Variants in TRIM37 observed in about 807,000 individuals in gnomAD.
The protein encoded by TRIM37 is E3 ubiquitin-protein ligase TRIM37.
A neutral mutation model predicts 129.8 loss-of-function variants in TRIM37; 80 were observed. The observed-to-expected ratio is 0.62, with a 90% CI of 0.51 to 0.74. The LOEUF (loss-of-function observed/expected upper bound fraction) is 0.74. Among genes scored for constraint, TRIM37 ranks in the 30% least tolerant of loss-of-function variants. The probability of loss-of-function intolerance (pLI) is 0.00; values close to 1 mark genes in which losing one functional copy is unlikely to be tolerated. For missense variants in TRIM37, 1,054 were observed against 1,176.5 expected, an observed-to-expected ratio of 0.90 and a Z score of 1.52; for synonymous variants, 389 against 387.1, an observed-to-expected ratio of 1.00 and a Z score of -0.06.
intron 17 of TRIM37, among the ~76,000 whole-genome samples, chr17:59,039,175 CGT>C (rs908722705): frequency 2.0e-5 from 3 of 152,118 alleles, no homozygotes; most frequent in Non-Finnish European, 4.4e-5. Flanking sequence ...ACTATGCATG[CGT>C]GTGTTTCCCT....
intron 19 of TRIM37, among the ~76,000 whole-genome samples, chr17:59,023,083 A>G (rs982525655): frequency 1.3e-5 from 2 of 151,868 alleles, no homozygotes; most frequent in Admixed American, 1.3e-4. Context: ...TTATTTATTT[A>G]TTTATTTATT....
chr17:58,983,262 T>G, intron 24 of TRIM37: 1 of 203,366 alleles, frequency 4.9e-6, no homozygotes, highest in Non-Finnish European at 9.9e-6. Context: ...TAAACCAATA[T>G]TGTGAAAAAT....
chr17:59,087,077 T>C (rs1223865062), intron 4 of TRIM37, among the ~76,000 whole-genome samples: 2 of 152,070 alleles, frequency 1.3e-5, no homozygotes, highest in Non-Finnish European at 2.9e-5. Flanking sequence ...CAGTTAAACT[T>C]GAATAGCAGG....
chr17:59,097,256 T>C (rs2044984042), intron 2 of TRIM37, among the ~76,000 whole-genome samples: 1 of 152,114 alleles, frequency 6.6e-6, no homozygotes, highest in South Asian at 2.1e-4. Context: ...ACCATTTCTA[T>C]TTGACATAAT....
downstream of TRIM37, chr17:58,980,156 GCC>G: frequency 6.2e-7 from 1 of 1,614,144 alleles, no homozygotes; most frequent in Non-Finnish European, 8.5e-7. The surrounding 1 kb of genome is among the most constrained non-coding windows in gnomAD (Gnocchi z 4.7). Context: ...CAGCATGGTT[GCC>G]CACAAATTAG....
At position 59,088,373 on chromosome 17, in the gene TRIM37, G is replaced by A. The variant is rs781030263; in HGVS notation, c.199C>T (p.Arg67Cys). ...TGTTGTGTTACTTCTTCTGCCCAAC[G>A]ACAATTTACTAGTTCTCGTAGCTGG... ...PLQLRELVNC[R>C]WAEEVTQQLD... Residue 67 changes from arginine (R) to cysteine (C), a missense_variant, in exon 4 of 24, where the codon CGT becomes TGT. Arg to Cys is a radical substitution (Grantham distance 180). Around this residue, in one of 3 missense-constraint regions of TRIM37, gnomAD observed 752 missense variants for 870.8 expected, o/e 0.86. Transcript: ENST00000262294. 1.1e-5 allele frequency: 18 copies of A among 1,613,508 alleles called. No individual in the cohort carries two copies. In the East Asian group the frequency reaches 3.3e-4, roughly 30 times the overall value.
chr17:59,056,997 G>A lies in TRIM37; in HGVS notation c.1077C>T (p.Ile359=). ...HQSCNDPTKN[I]IREFASDFEV... is the part of the protein sequence containing the mutation. Reference sequence around the variant, plus strand: ...CAAAGTCAGATGCAAATTCTCGAATGATATTTTTTGTAGGATCATTACAGG... The same window carrying A: ...CAAAGTCAGATGCAAATTCTCGAATAATATTTTTTGTAGGATCATTACAGG... The change falls in exon 13 of 24, where the codon ATC becomes ATT. Residue 359 remains isoleucine (I), a synonymous_variant. Coordinates refer to ENST00000262294, the MANE Select transcript of TRIM37 (RefSeq NM_015294.6). 1.2e-6 allele frequency: 2 copies of A among 1,613,732 alleles called. No homozygotes were observed. Among genetic ancestry groups the A allele is most frequent in the Non-Finnish European group, 1.7e-6 (2 of 1,179,870 alleles).
chr17:59,004,680 A>G (rs2034240839), intron 22 of TRIM37, among the ~76,000 whole-genome samples: 2 of 152,188 alleles, frequency 1.3e-5, no homozygotes, highest in South Asian at 4.1e-4. Context: ...GAAACCAAAA[A>G]CAGATGAAAT....
Position 59,007,231 on chromosome 17 carries a change from C to CCACCCACCCA in TRIM37, c.2695+5096_2695+5097insTGGGTGGGTG, listed in dbSNP as rs60395023. Among the ~76,000 whole-genome samples the CCACCCACCCA allele has an allele frequency of 1.6e-4, 16 of 97,500 alleles. 1 individual carries two copies. Among genetic ancestry groups the CCACCCACCCA allele is most frequent in the African/African-American group, 6.6e-4 (16 of 24,226 alleles). The allele number at this position is 97,500 out of a possible 152,430, so 64.0% of individuals were successfully genotyped here. ...CTAAAACCACCCCACCCCCACCCAC[C>CCACCCACCCA]CACACACACACACACGTTCCTGATG... On this transcript the variant is annotated intron_variant, in intron 22 of 23. Coordinates refer to ENST00000262294, the MANE Select transcript of TRIM37 (RefSeq NM_015294.6).
intron 2 of TRIM37, among the ~76,000 whole-genome samples, chr17:59,099,579 T>A (rs2045262981): frequency 6.6e-6 from 1 of 152,076 alleles, no homozygotes; most frequent in Admixed American, 6.6e-5. Flanking sequence ...ACAGACCCCT[T>A]ACCAAAGACA....
intron 4 of TRIM37, among the ~76,000 whole-genome samples, chr17:59,084,487 C>T (rs1357052269): frequency 6.6e-6 from 1 of 152,012 alleles, no homozygotes; most frequent in African/African-American, 2.4e-5. Flanking sequence ...ATGTGGTCAA[C>T]GATAACAATA....
chr17:58,980,397 G>A (rs756485394), downstream of TRIM37: 15 of 1,614,014 alleles, frequency 9.3e-6, no homozygotes, highest in Middle Eastern at 1.6e-4. The surrounding 1 kb of genome is among the most constrained non-coding windows in gnomAD (Gnocchi z 4.7). Context: ...TATGATGGGC[G>A]TGTGGATTCA....
In TRIM37 at chr17:59,049,387, T is replaced by C. The variant is rs774566905; in HGVS notation, c.1321A>G (p.Thr441Ala). ...TTCTGAGTTCGAGACAGCTCAATAG[T>C]AAGTCTCTTTTAAAACAAGAAAAGC... ...QQINNLKERL[T>A]IELSRTQKSR... The change falls in exon 15 of 24, where the codon ACT (threonine) becomes GCT (alanine). Residue 441 changes from threonine to alanine, a missense_variant. Transcript: ENST00000262294. 64 of 1,613,762 alleles carry C rather than the reference T, an allele frequency of 4.0e-5. No homozygotes were observed. Among genetic ancestry groups the C allele is most frequent in the Non-Finnish European group, 4.8e-5 (57 of 1,179,898 alleles).
chr17:59,019,704 T>C (rs1304395662), intron 19 of TRIM37, among the ~76,000 whole-genome samples: 1 of 149,184 alleles, frequency 6.7e-6, no homozygotes, highest in Admixed American at 6.7e-5. Context: ...AGAGACTCCG[T>C]CTCAAAAAAA....
chr17:59,049,852 A>T (rs945118433), intron 14 of TRIM37, among the ~76,000 whole-genome samples: 1 of 152,144 alleles, frequency 6.6e-6, no homozygotes, highest in Non-Finnish European at 1.5e-5. Flanking sequence ...ATAAAAAAAA[A>T]TTGATGACAA....
chr17:58,974,881 A>G, the TRIM37 span, among the ~76,000 whole-genome samples: 2 of 152,222 alleles, frequency 1.3e-5, no homozygotes, highest in African/African-American at 4.8e-5. Context: ...GAAATAGCTA[A>G]AAGAGTCTAC....
At chr17:59,037,557 CAAAAAAAAAAAAAAAAAA>C (rs58856834) in intron 17 of TRIM37, among the ~76,000 whole-genome samples, 5 of 73,998 alleles carry the variant, frequency 6.8e-5, no homozygotes, top group South Asian at 6.7e-4. Flanking sequence ...GACTCTGTCT[CAAAAAAAAAAAAAAAAAA>C]AAAAAAAAAA....
At chr17:58,983,109 A>C (rs1049816212) in intron 24 of TRIM37, 4 of 565,120 alleles carry the variant, frequency 7.1e-6, no homozygotes, top group Non-Finnish European at 1.2e-5. Context: ...GGGGAAAAAA[A>C]TGGCTGGATA....
intron 19 of TRIM37, among the ~76,000 whole-genome samples, chr17:59,018,782 G>A (rs2036245907): frequency 6.6e-6 from 1 of 150,480 alleles, no homozygotes; most frequent in Non-Finnish European, 1.5e-5. Flanking sequence ...AAATGTAAGA[G>A]ACCCACAATA....
Sources: gnomAD v4.1 joint callset for allele counts (sites outside exome capture counted in the v4.1 genomes callset) on GRCh38, gnomAD v4.1.1 for gene constraint, gnomAD v4.1.1 regional missense constraint, Gnocchi (gnomAD v3.1) non-coding constraint, MANE v1.5 for transcripts, NCBI Gene and HGNC (gene_info 2026-07-23, HGNC 2026-07-21) for gene names.